The following CERT1 variants were observed in gnomAD, a reference collection of about 807,000 sequenced individuals.
CERT1 encodes the protein ceramide transfer protein.
In CERT1, 31 loss-of-function variants were observed where a neutral mutation model predicts 87.9. The observed-to-expected ratio is 0.35, with a 90% CI of 0.27 to 0.48. CERT1 has a LOEUF of 0.48. CERT1 is among the 20% of genes least tolerant of loss of function. CERT1 has a pLI of 0.99. For missense variants in CERT1, 487 were observed against 758.0 expected (o/e 0.64, Z 4.20); for synonymous variants, 289 against 250.9 (o/e 1.15, Z -1.44).
At chr5:75,456,888 A>G (rs2112301954) in intron 3 of CERT1, among the ~76,000 whole-genome samples, 1 of 152,288 alleles carries the variant, frequency 6.6e-6, no homozygotes, top group African/African-American at 2.4e-5. Context: ...AATCTTCACT[A>G]AAGGAAGAAA....
chr5:75,478,602 G>A (rs1766080120), intron 2 of CERT1, among the ~76,000 whole-genome samples: 1 of 152,126 alleles, frequency 6.6e-6, no homozygotes, highest in Admixed American at 6.5e-5. Flanking sequence ...AGTCTGCTTA[G>A]ACACCATCCC....
rs56289988 is a variant in CERT1, at chr5:75,457,448, T to C, written c.348+1617A>G. ...ATGGCCTGGCTCCAGAGCATTGAGATTTTTTGAATAGTAGCTCATTTCTCT... is the reference window on the plus strand; with the variant it reads ...ATGGCCTGGCTCCAGAGCATTGAGACTTTTTGAATAGTAGCTCATTTCTCT... On this transcript the variant is annotated intron_variant, in intron 3 of 16. Coordinates refer to ENST00000643780, the MANE Select transcript of CERT1 (RefSeq NM_001379029.1). 5.3e-3 allele frequency among the ~76,000 whole-genome samples: 800 copies of C among 152,280 alleles called. 2 individuals are homozygous for C. The highest frequency in any genetic ancestry group is 7.2e-3 in the Non-Finnish European group (491 of 68,020).
At chr5:75,461,687 C>T (rs1352607764) in intron 2 of CERT1, among the ~76,000 whole-genome samples, 1 of 151,926 alleles carries the variant, frequency 6.6e-6, no homozygotes, top group Non-Finnish European at 1.5e-5. Flanking sequence ...TGGCAAACAC[C>T]TTCTTATGCA....
At chr5:75,451,171 T>A (rs187268231) in intron 3 of CERT1, among the ~76,000 whole-genome samples, 271 of 152,300 alleles carry the variant, frequency 1.8e-3, no homozygotes, top group Non-Finnish European at 3.2e-3. Context: ...CTATCTACAT[T>A]GTGGTGTTTT....
chr5:75,389,260 C>A (rs890834798), intron 12 of CERT1, among the ~76,000 whole-genome samples: 2 of 152,026 alleles, frequency 1.3e-5, no homozygotes, highest in African/African-American at 4.8e-5. Flanking sequence ...GTTAAAAAAA[C>A]AAAACAAAAG....
At chr5:75,438,339 C>T (rs889319710) in intron 3 of CERT1, among the ~76,000 whole-genome samples, 1 of 152,128 alleles carries the variant, frequency 6.6e-6, no homozygotes, top group Non-Finnish European at 1.5e-5. Context: ...AAGATATCCA[C>T]TTTGAAAACC....
chr5:75,404,222 A>G (rs1331737471), intron 8 of CERT1, among the ~76,000 whole-genome samples: 1 of 151,408 alleles, frequency 6.6e-6, no homozygotes, highest in Non-Finnish European at 1.5e-5. Context: ...TTTGGCATAT[A>G]AGAAATGTTG....
intron 7 of CERT1, 106 bp from the exon 8 acceptor site, chr5:75,411,209 A>G (rs1001786664): frequency 6.2e-6 from 4 of 643,846 alleles, no homozygotes; most frequent in Non-Finnish European, 1.1e-5. Context: ...TTACAATTTG[A>G]CACAAAAAAA....
intron 6 of CERT1, 61 bp downstream of exon 6, chr5:75,419,280 G>A (rs1287460180): frequency 1.9e-6 from 2 of 1,074,504 alleles, no homozygotes; most frequent in East Asian, 5.1e-5. Flanking sequence ...TTTCTTGTGA[G>A]TTGTTACATA....
rs967238963 is a variant in CERT1 at position 75,378,684 on chromosome 5, T to C, written c.*662A>G. 3.9e-5 allele frequency: 6 copies of C among 152,156 alleles called. No individual in the cohort carries two copies. Among genetic ancestry groups the C allele is most frequent in the African/African-American group, 7.2e-5 (3 of 41,436 alleles). The allele number at this position is 152,156 out of a possible 1,614,324, so 9.4% of individuals were successfully genotyped here. On this transcript the variant is annotated 3_prime_UTR_variant, in exon 17 of 17. Coordinates refer to ENST00000643780, the MANE Select transcript of CERT1 (RefSeq NM_001379029.1). ...TTTGTATAATAGTAAGTATAAACAT[T>C]TTAACATTCAAAAATATGTCAGTAC...
chr5:75,484,666 G>A (rs1486417492), intron 2 of CERT1, among the ~76,000 whole-genome samples: 1 of 151,796 alleles, frequency 6.6e-6, no homozygotes, highest in Non-Finnish European at 1.5e-5. Flanking sequence ...TGACAAAGGG[G>A]TTAATTCAGA....
chr5:75,393,602 TAAAAAAA>T (rs60898983), intron 11 of CERT1, among the ~76,000 whole-genome samples: 1 of 32,768 alleles, frequency 3.1e-5, no homozygotes. Flanking sequence ...CTCATCTACT[TAAAAAAA>T]AAAAAAAAAA....
intron 2 of CERT1, among the ~76,000 whole-genome samples, chr5:75,474,327 G>A (rs910387377): frequency 6.6e-6 from 1 of 152,122 alleles, no homozygotes; most frequent in Non-Finnish European, 1.5e-5. Flanking sequence ...GCAGTAGCTT[G>A]CCAATGCTCC....
rs888707639 is a variant in CERT1, at chr5:75,447,787, T to C, written c.348+11278A>G. 2.6e-5 allele frequency among the ~76,000 whole-genome samples: 4 copies of C among 152,008 alleles called. No homozygotes were observed. The South Asian group carries it at 8.3e-4, about 32-fold the overall frequency. ...CCACACCCGGCCTCCTTTTTTTTTT[T>C]GTTAAAGAGACAGGGTCTCATTGTG... is the stretch of plus-strand genomic sequence containing the variant. On this transcript the variant is annotated intron_variant, in intron 3 of 16. Coordinates refer to ENST00000643780, the MANE Select transcript of CERT1 (RefSeq NM_001379029.1).
At chr5:75,452,787 T>A (rs1448478555) in intron 3 of CERT1, among the ~76,000 whole-genome samples, 1 of 152,142 alleles carries the variant, frequency 6.6e-6, no homozygotes, top group Non-Finnish European at 1.5e-5. Flanking sequence ...CACTATCTCA[T>A]TTGACCTCAA....
chr5:75,503,418 AG>A (rs1191034167), intron 2 of CERT1, among the ~76,000 whole-genome samples: 1 of 152,032 alleles, frequency 6.6e-6, no homozygotes, highest in Non-Finnish European at 1.5e-5. Context: ...AAATTTAATG[AG>A]GAATATTACT....
chr5:75,510,376 A>G (rs950009753), intron 1 of CERT1, among the ~76,000 whole-genome samples: 1 of 152,212 alleles, frequency 6.6e-6, no homozygotes, highest in Admixed American at 6.5e-5. Flanking sequence ...ATTTTGATAC[A>G]GGGATTTTAA....
chr5:75,429,154 G>C (rs1763757153), intron 3 of CERT1, among the ~76,000 whole-genome samples: 1 of 148,430 alleles, frequency 6.7e-6, no homozygotes, highest in African/African-American at 2.5e-5. Flanking sequence ...CTGGGATTTT[G>C]AAAACCTCTA....
At chr5:75,468,394 AAGTGT>A (rs1164038804) in intron 2 of CERT1, among the ~76,000 whole-genome samples, 1 of 152,078 alleles carries the variant, frequency 6.6e-6, no homozygotes, top group Non-Finnish European at 1.5e-5. Flanking sequence ...AAAAAAAGAG[AAGTGT>A]AGGACTTTCC....
Sources: allele counts gnomAD v4.1 joint callset (sites outside exome capture counted in the v4.1 genomes callset), GRCh38; gene constraint gnomAD v4.1.1; transcripts MANE v1.5; gene names NCBI Gene and HGNC (gene_info 2026-07-23, HGNC 2026-07-21).